The following ACAP2 variants were observed in gnomAD, a reference collection of about 807,000 sequenced individuals.
ACAP2 encodes arf-GAP with coiled-coil, ANK repeat and PH domain-containing protein 2.
In ACAP2, 39 loss-of-function variants were observed where a neutral mutation model predicts 115.8. The observed-to-expected ratio is 0.34, with a 90% CI of 0.26 to 0.44. The LOEUF is 0.44. ACAP2 is among the 20% of genes least tolerant of loss of function. ACAP2 has a pLI of 1.00. For missense variants in ACAP2, 662 were observed against 927.6 expected (o/e 0.71, Z 3.72); for synonymous variants, 289 against 315.8 (o/e 0.92, Z 0.90).
chr3:195,343,254 T>C (rs1331110554), intron 5 of ACAP2, among the ~76,000 whole-genome samples: 1 of 152,214 alleles, frequency 6.6e-6, no homozygotes, highest in Non-Finnish European at 1.5e-5. Flanking sequence ...CAGGGACATG[T>C]ACCATTATTT....
At chr3:195,292,072 C>G (rs948631429) in intron 19 of ACAP2, among the ~76,000 whole-genome samples, 193 bp downstream of exon 19, 1 of 152,214 alleles carries the variant, frequency 6.6e-6, no homozygotes, top group Non-Finnish European at 1.5e-5. Context: ...TATCGGAATT[C>G]TCTTCCACTG....
chr3:195,327,551 T>C (rs1396769559), intron 8 of ACAP2, among the ~76,000 whole-genome samples: 4 of 151,960 alleles, frequency 2.6e-5, no homozygotes, highest in African/African-American at 9.7e-5. Context: ...ATAATAATAA[T>C]AAAAGAATAG....
intron 1 of ACAP2, among the ~76,000 whole-genome samples, chr3:195,429,036 G>A (rs1190665173): frequency 6.6e-6 from 1 of 152,102 alleles, no homozygotes; most frequent in Non-Finnish European, 1.5e-5. Flanking sequence ...TCCATCATCA[G>A]GAGAATGAAT....
intron 9 of ACAP2, 36 bp from the exon 10 acceptor site, chr3:195,320,849 TTGAC>T (rs755793911): frequency 1.4e-6 from 2 of 1,417,998 alleles, no homozygotes; most frequent in African/African-American, 2.8e-5. Flanking sequence ...TTCATATGAC[TTGAC>T]TAAGTTTCCT....
rs1186667963 is a variant in ACAP2, at chr3:195,391,228, C to CTT, written c.111+860_111+861dup. Among the ~76,000 whole-genome samples, 361 of 129,854 alleles carry CTT rather than the reference C, an allele frequency of 2.8e-3. 3 individuals carry two copies. Among genetic ancestry groups the CTT allele is most frequent in the Admixed American group, 5.1e-3 (63 of 12,300 alleles). The allele number at this position is 129,854 out of a possible 152,430, so 85.2% of individuals were successfully genotyped here. ...GAAAATACAGAAAAAGCTTCTCTTTCTTTTTTTTTTTTTTTTTTGAGATGG... is the reference window on the plus strand; with the variant it reads ...GAAAATACAGAAAAAGCTTCTCTTTCTTTTTTTTTTTTTTTTTTTTGAGATGG... On this transcript the variant is annotated intron_variant, in intron 2 of 22. Coordinates refer to ENST00000326793, the MANE Select transcript of ACAP2 (RefSeq NM_012287.6).
intron 6 of ACAP2, among the ~76,000 whole-genome samples, chr3:195,337,247 G>A (rs1433284149): frequency 6.6e-6 from 1 of 152,102 alleles, no homozygotes; most frequent in Non-Finnish European, 1.5e-5. Context: ...CTGAAGCTCT[G>A]GGAATTCCAT....
At chr3:195,301,900 G>A (rs1327659772) in intron 14 of ACAP2, 66 bp downstream of exon 14, 13 of 1,544,968 alleles carry the variant, frequency 8.4e-6, no homozygotes, top group Admixed American at 5.5e-5. Flanking sequence ...ACTAACAAGT[G>A]AAACAACCAT....
At chr3:195,427,982 T>C (rs1028761261) in intron 1 of ACAP2, among the ~76,000 whole-genome samples, 1 of 127,022 alleles carries the variant, frequency 7.9e-6, no homozygotes, top group Admixed American at 7.8e-5. Context: ...CACAGATGCA[T>C]ATATATATAT....
At chr3:195,361,925 T>C (rs1244714918) in intron 4 of ACAP2, among the ~76,000 whole-genome samples, 2 of 152,112 alleles carry the variant, frequency 1.3e-5, no homozygotes, top group Non-Finnish European at 2.9e-5. Flanking sequence ...CTAGAATAAA[T>C]GGATAAATTC....
intron 4 of ACAP2, among the ~76,000 whole-genome samples, chr3:195,359,211 A>C (rs1196477884): frequency 6.6e-6 from 1 of 152,226 alleles, no homozygotes; most frequent in African/African-American, 2.4e-5. Flanking sequence ...AAAGAAAAGG[A>C]GATTAATGAG....
At chr3:195,338,946 T>A (rs1270356524) in intron 6 of ACAP2, among the ~76,000 whole-genome samples, 1 of 151,976 alleles carries the variant, frequency 6.6e-6, no homozygotes, top group Non-Finnish European at 1.5e-5. Flanking sequence ...AAGACTAGTT[T>A]CTGGCTGGGT....
Position 195,315,545 on chromosome 3 carries a change from G to A in ACAP2, c.857+5156C>T, listed in dbSNP as rs374850907. ...AATTTTCACAGCAAGTAAGAAAAATGCCATAGGATACTTGAGGAAGAGTTC... is the reference window on the plus strand; with the variant it reads ...AATTTTCACAGCAAGTAAGAAAAATACCATAGGATACTTGAGGAAGAGTTC... On this transcript the variant is annotated intron_variant, in intron 10 of 22. Coordinates refer to ENST00000326793, the MANE Select transcript of ACAP2 (RefSeq NM_012287.6). 3.9e-5 allele frequency among the ~76,000 whole-genome samples: 6 copies of A among 152,310 alleles called. No homozygotes were observed. In the East Asian group the frequency reaches 9.6e-4, roughly 24 times the overall value.
chr3:195,360,238 A>G (rs1233462500), intron 4 of ACAP2, among the ~76,000 whole-genome samples: 1 of 152,244 alleles, frequency 6.6e-6, no homozygotes, highest in African/African-American at 2.4e-5. Flanking sequence ...TTTATATCAC[A>G]CAAAACAGAC....
At chr3:195,394,629 A>G (rs570122342) in intron 1 of ACAP2, among the ~76,000 whole-genome samples, 3 of 152,372 alleles carry the variant, frequency 2.0e-5, no homozygotes, top group Admixed American at 2.0e-4. Flanking sequence ...CAGCCTGGCC[A>G]ACAGAGCAAA....
At chr3:195,403,067 T>C (rs1451754573) in intron 1 of ACAP2, among the ~76,000 whole-genome samples, 2 of 152,184 alleles carry the variant, frequency 1.3e-5, no homozygotes, top group African/African-American at 4.8e-5. Context: ...GAGGGACGGC[T>C]ACAGTTTTAC....
In ACAP2 at chr3:195,428,317, CAT is replaced by C. The variant is rs541364391; in HGVS notation, c.53+14476_53+14477del. 4.6e-4 allele frequency among the ~76,000 whole-genome samples: 67 copies of C among 146,424 alleles called. No individual in the cohort carries two copies. In the East Asian group the frequency reaches 0.014, roughly 32 times the overall value. ...ATACATACATAGATATATATACACTCATATATATAGGTGTGTGTGTATATATA... is the reference window on the plus strand; with the variant it reads ...ATACATACATAGATATATATACACTCATATATAGGTGTGTGTGTATATATA... On this transcript the variant is annotated intron_variant, in intron 1 of 22. Transcript: ENST00000326793.
intron 1 of ACAP2, among the ~76,000 whole-genome samples, chr3:195,419,790 T>C (rs1346259668): frequency 2.0e-5 from 3 of 152,166 alleles, no homozygotes; most frequent in African/African-American, 7.2e-5. Context: ...GTAACTATCC[T>C]TTTCCCCTTG....
chr3:195,312,683 AC>A (rs1728846666), intron 10 of ACAP2, among the ~76,000 whole-genome samples: 1 of 152,168 alleles, frequency 6.6e-6, no homozygotes. Context: ...AAAGTAAATT[AC>A]TCAATCTGTA....
At chr3:195,375,305 C>A (rs1478502695) in intron 4 of ACAP2, among the ~76,000 whole-genome samples, 1 of 152,022 alleles carries the variant, frequency 6.6e-6, no homozygotes, top group African/African-American at 2.4e-5. Context: ...TTAAAAAGAA[C>A]CTTAAAATTT....
Sources: allele counts gnomAD v4.1 joint callset (sites outside exome capture counted in the v4.1 genomes callset), GRCh38; gene constraint gnomAD v4.1.1; transcripts MANE v1.5; gene names NCBI Gene and HGNC (gene_info 2026-07-23, HGNC 2026-07-21).